RAP1GDS1: variants seen among roughly 807,000 people sequenced by gnomAD.
The protein encoded by RAP1GDS1 is RAP1, GTP-GDP dissociation stimulator 1.
In RAP1GDS1, 35 loss-of-function variants were observed where a neutral mutation model predicts 71.1. That is an observed-to-expected ratio of 0.49 (90% CI 0.38 to 0.65). The LOEUF (loss-of-function observed/expected upper bound fraction) is 0.65. Ranked by LOEUF, RAP1GDS1 falls within the 30% of genes least tolerant of loss-of-function variation. RAP1GDS1 has a pLI of 0.00. For synonymous variants in RAP1GDS1, 229 were observed against 243.1 expected, an observed-to-expected ratio of 0.94 and a Z score of 0.54; for missense variants, 663 against 706.1, an observed-to-expected ratio of 0.94 and a Z score of 0.69.
intron 4 of RAP1GDS1, among the ~76,000 whole-genome samples, chr4:98,357,460 C>T (rs895610586): frequency 6.6e-6 from 1 of 151,818 alleles, no homozygotes; most frequent in African/African-American, 2.4e-5. Context: ...ACTATTATCA[C>T]ATGAAAGCAT....
chr4:98,278,656 C>T (rs1432823564), intron 1 of RAP1GDS1, among the ~76,000 whole-genome samples: 1 of 152,062 alleles, frequency 6.6e-6, no homozygotes, highest in Non-Finnish European at 1.5e-5. Context: ...TCTTTTATAT[C>T]CTCATTTTAT....
chr4:98,429,315 C>T (rs1750073880), intron 12 of RAP1GDS1, among the ~76,000 whole-genome samples: 1 of 151,132 alleles, frequency 6.6e-6, no homozygotes, highest in Admixed American at 6.6e-5. Context: ...TGATGGAATG[C>T]TACTCAGCCA....
chr4:98,283,684 A>G (rs966392640), intron 1 of RAP1GDS1, among the ~76,000 whole-genome samples: 2 of 152,262 alleles, frequency 1.3e-5, no homozygotes, highest in East Asian at 1.9e-4. Context: ...TTCATTACTT[A>G]AAATGATCTG....
intron 5 of RAP1GDS1, among the ~76,000 whole-genome samples, chr4:98,381,108 C>CT (rs544792697): frequency 2.4e-4 from 36 of 151,654 alleles, no homozygotes; most frequent in African/African-American, 8.2e-4. Context: ...GAAGAGTAGG[C>CT]TTTTTTCTAG....
chr4:98,422,157 A>G (rs1748972453), intron 12 of RAP1GDS1, among the ~76,000 whole-genome samples: 1 of 151,830 alleles, frequency 6.6e-6, no homozygotes, highest in South Asian at 2.1e-4. Context: ...CCGAGATTGC[A>G]CCACTGCACT....
At chr4:98,328,359 A>G (rs1232911932) in intron 2 of RAP1GDS1, among the ~76,000 whole-genome samples, 1 of 152,228 alleles carries the variant, frequency 6.6e-6, no homozygotes, top group Non-Finnish European at 1.5e-5. Context: ...CTATTATATA[A>G]AAGTCTTGTT....
intron 4 of RAP1GDS1, among the ~76,000 whole-genome samples, chr4:98,374,395 T>TATTATTC (rs1246215037): frequency 1.3e-5 from 2 of 152,192 alleles, no homozygotes; most frequent in Non-Finnish European, 2.9e-5. Flanking sequence ...TATTCATGGA[T>TATTATTC]ATTATTCAGT....
chr4:98,350,264 A>G (rs1736969220), intron 3 of RAP1GDS1, among the ~76,000 whole-genome samples: 1 of 152,230 alleles, frequency 6.6e-6, no homozygotes, highest in African/African-American at 2.4e-5. Context: ...AACAAGTTTT[A>G]TTTATGAATG....
chr4:98,431,556 G>C (rs1441648369), intron 12 of RAP1GDS1, among the ~76,000 whole-genome samples: 1 of 152,172 alleles, frequency 6.6e-6, no homozygotes, highest in Non-Finnish European at 1.5e-5. Flanking sequence ...AGCATCTCCA[G>C]AATTTTTAAG....
At chr4:98,338,577 C>A (rs913825686) in intron 2 of RAP1GDS1, among the ~76,000 whole-genome samples, 1 of 152,122 alleles carries the variant, frequency 6.6e-6, no homozygotes, top group Admixed American at 6.5e-5. Flanking sequence ...CAAGTCTGAG[C>A]CTTCAGTGAA....
chr4:98,377,624 A>G (rs1741347845), intron 4 of RAP1GDS1, among the ~76,000 whole-genome samples: 1 of 123,180 alleles, frequency 8.1e-6, no homozygotes, highest in Non-Finnish European at 1.6e-5. Context: ...GTCTTACTAT[A>G]TAATTGTGTG....
chr4:98,273,204 C>T (rs1394694206), intron 1 of RAP1GDS1, among the ~76,000 whole-genome samples: 1 of 152,136 alleles, frequency 6.6e-6, no homozygotes, highest in Non-Finnish European at 1.5e-5. Context: ...TGCTAGTTGT[C>T]TCCGCTGCTT....
At position 98,426,254 on chromosome 4, in the gene RAP1GDS1, T is replaced by C. The variant is rs532372634; in HGVS notation, c.1440+4860T>C. Reference sequence around the variant, plus strand: ...TAAGAGGAAAGTTTATAGCCTGAAATAGGCATTTCAAAAAGTCTGAAAGAG... The same window carrying C: ...TAAGAGGAAAGTTTATAGCCTGAAACAGGCATTTCAAAAAGTCTGAAAGAG... On this transcript the variant is annotated intron_variant, in intron 12 of 14. Coordinates refer to ENST00000408927, the MANE Select transcript of RAP1GDS1 (RefSeq NM_001100427.2). Among the ~76,000 whole-genome samples the C allele has an allele frequency of 3.3e-5, 5 of 152,154 alleles. No individual in the cohort carries two copies. In the East Asian group the frequency reaches 7.7e-4, roughly 24 times the overall value.
intron 2 of RAP1GDS1, among the ~76,000 whole-genome samples, chr4:98,318,227 C>T (rs1232988558): frequency 1.3e-5 from 2 of 152,160 alleles, no homozygotes; most frequent in African/African-American, 2.4e-5. Context: ...TAATACCTTT[C>T]ATTTTAACAT....
intron 12 of RAP1GDS1, among the ~76,000 whole-genome samples, chr4:98,432,503 G>A (rs879534543): frequency 2.0e-5 from 3 of 152,156 alleles, no homozygotes; most frequent in Non-Finnish European, 2.9e-5. Context: ...GGGGAAAAAT[G>A]TATTAGATGC....
intron 4 of RAP1GDS1, among the ~76,000 whole-genome samples, chr4:98,377,183 A>G (rs1741291658): frequency 6.6e-6 from 1 of 151,888 alleles, no homozygotes; most frequent in African/African-American, 2.4e-5. Flanking sequence ...TTATATTTCA[A>G]AAGCCCAGTT....
chr4:98,292,806 T>A (rs1336840161), intron 1 of RAP1GDS1, among the ~76,000 whole-genome samples: 3 of 152,104 alleles, frequency 2.0e-5, no homozygotes, highest in Non-Finnish European at 2.9e-5. Context: ...TGTAAAGAGG[T>A]TTTGAGAATC....
At chr4:98,349,442 C>T (rs1736806655) in intron 3 of RAP1GDS1, among the ~76,000 whole-genome samples, 1 of 152,096 alleles carries the variant, frequency 6.6e-6, no homozygotes, top group African/African-American at 2.4e-5. Context: ...ATTGACTTGG[C>T]AATGTGGGCT....
chr4:98,345,619 A>G (rs1192123559), intron 3 of RAP1GDS1, among the ~76,000 whole-genome samples: 1 of 152,220 alleles, frequency 6.6e-6, no homozygotes, highest in Non-Finnish European at 1.5e-5. Context: ...GTATTTAATA[A>G]TAATAGTAAT....
Sources: gnomAD v4.1 joint callset for allele counts (sites outside exome capture counted in the v4.1 genomes callset) on GRCh38, gnomAD v4.1.1 for gene constraint, MANE v1.5 for transcripts, NCBI Gene and HGNC (gene_info 2026-07-23, HGNC 2026-07-21) for gene names.